SLC30A3: variants seen among roughly 807,000 people sequenced by gnomAD.
The protein encoded by SLC30A3 is solute carrier family 30 member 3.
In SLC30A3, 20 loss-of-function variants were observed where a neutral mutation model predicts 35.6. The ratio of observed to expected loss-of-function variants is 0.56; its 90% CI spans 0.39 to 0.82. SLC30A3 has a LOEUF of 0.82. Among genes scored for constraint, SLC30A3 ranks in the 40% least tolerant of loss-of-function variants. The pLI is 0.00. For synonymous variants in SLC30A3, 217 were observed against 224.7 expected (o/e 0.97, Z 0.31); for missense variants, 401 against 530.6 (o/e 0.76, Z 2.40).
At position 27,262,436 on chromosome 2, in the gene SLC30A3, G is replaced by C. The variant is rs1677248641; in HGVS notation, c.95+376C>G. Among the ~76,000 whole-genome samples the C allele has an allele frequency of 6.6e-6, 1 of 151,988 alleles. No individual in the cohort carries two copies. The highest frequency in any genetic ancestry group is 6.5e-5 in the Admixed American group (1 of 15,268). On this transcript the variant is annotated intron_variant, in intron 1 of 7. Transcript: ENST00000233535. The surrounding 1 kb of genome is among the most constrained non-coding windows in gnomAD (Gnocchi z 7.5). ...AGCTCTGAAGCCTGGGCAGCGAGGC[G>C]CTCCCGCCCTGGGCCCGGGGCAATG...
At chr2:27,268,349 AATTG>A (rs1677583621) in intron 1 of SLC30A3, among the ~76,000 whole-genome samples, 1 of 152,208 alleles carries the variant, frequency 6.6e-6, no homozygotes, top group African/African-American at 2.4e-5. Flanking sequence ...TGAGTAAGTG[AATTG>A]ATTAAGGAAA....
chr2:27,268,048 G>A (rs1363497547), intron 1 of SLC30A3, among the ~76,000 whole-genome samples: 2 of 151,622 alleles, frequency 1.3e-5, no homozygotes, highest in Admixed American at 1.3e-4. Flanking sequence ...CTAACATACT[G>A]CATATTTTAC....
In SLC30A3 at chr2:27,257,334, G is replaced by GT; in HGVS notation, c.596dup (p.His199GlnfsTer12). ...CGTGGCTGTGGGGGGGCCCAGCCTGGTGCAGCACAAAGGCCATTCTGAGGG... is the reference window on the plus strand; with the variant it reads ...CGTGGCTGTGGGGGGGCCCAGCCTGGTTGCAGCACAAAGGCCATTCTGAGGG... On this transcript the variant is annotated frameshift_variant, in exon 5 of 8. Coordinates refer to ENST00000233535, the MANE Select transcript of SLC30A3 (RefSeq NM_003459.5). LOFTEE classifies it high-confidence loss of function. The surrounding 1 kb of genome is among the most constrained non-coding windows in gnomAD (Gnocchi z 4.7). 1 of 1,612,676 alleles carries GT rather than the reference G, an allele frequency of 6.2e-7. No homozygotes were observed. The highest frequency in any genetic ancestry group is 1.1e-5 in the South Asian group (1 of 90,848).
chr2:27,256,517 G>C lies in SLC30A3; in HGVS notation c.887C>G (p.Thr296Ser), dbSNP rs778191551. The change falls in exon 7 of 8, where the codon ACC (threonine) becomes AGC (serine). Residue 296 changes from threonine to serine, a missense_variant. Thr to Ser is a moderately conservative substitution (Grantham distance 58, BLOSUM62 1). Transcript: ENST00000233535. The stretch of plus-strand genomic sequence containing the variant: ...AGGTTCGAACCCCACATTGCGGGGG[G>C]TACCTGCAACCAGCACCAGTCATGC... The part of the protein sequence containing the change: ...RDVLRILMEG[T>S]PRNVGFEPVR... 4 of 1,613,966 alleles carry C rather than the reference G, an allele frequency of 2.5e-6. No homozygotes were observed. The Admixed American group carries it at 6.7e-5, about 27-fold the overall frequency.
At chr2:27,270,399 T>C (rs1677682070) in intron 1 of SLC30A3, among the ~76,000 whole-genome samples, 1 of 151,682 alleles carries the variant, frequency 6.6e-6, no homozygotes, top group Non-Finnish European at 1.5e-5. Context: ...GAAAATGGGG[T>C]TCTAAGAGGC....
At chr2:27,266,340 C>T (rs1174837231), upstream of SLC30A3, among the ~76,000 whole-genome samples, 1 of 152,206 alleles carries the variant, frequency 6.6e-6, no homozygotes, top group Admixed American at 6.5e-5. Context: ...CCTCCTACTT[C>T]ACTGGCTGTT....
upstream of SLC30A3, chr2:27,275,404 G>T (rs544090031): frequency 2.1e-5 from 8 of 382,472 alleles, no homozygotes; most frequent in South Asian, 1.6e-4. Flanking sequence ...TCCCCACCCA[G>T]TGCTTCCGGG....
upstream of SLC30A3, among the ~76,000 whole-genome samples, chr2:27,265,200 G>A (rs894841284): frequency 2.0e-5 from 3 of 152,246 alleles, no homozygotes; most frequent in African/African-American, 7.2e-5. The surrounding 1 kb of genome is among the most constrained non-coding windows in gnomAD (Gnocchi z 5.9). Flanking sequence ...AGTGCCAGGA[G>A]GGGGCGCAGA....
upstream of SLC30A3, chr2:27,263,099 C>A (rs369426544): frequency 7.4e-7 from 1 of 1,346,980 alleles, no homozygotes; most frequent in African/African-American, 1.5e-5. Context: ...AGCCCCGCCC[C>A]GCGTGGGGCG....
rs1175757334 is a variant in SLC30A3, at chr2:27,257,789, G to C, written c.578+116C>G. On this transcript the variant is annotated intron_variant, in intron 4 of 7. Coordinates refer to ENST00000233535, the MANE Select transcript of SLC30A3 (RefSeq NM_003459.5). The surrounding 1 kb of genome is among the most constrained non-coding windows in gnomAD (Gnocchi z 4.7). The stretch of plus-strand genomic sequence containing the variant: ...AGGCACACGCAGGGCAGCCCATGGA[G>C]AGCTGTGTGTGCGTGTCTGTGTGTC... 9.6e-6 allele frequency: 10 copies of C among 1,046,430 alleles called. No individual in the cohort carries two copies. The highest frequency in any genetic ancestry group is 1.5e-5 in the South Asian group (1 of 65,662). The allele number at this position is 1,046,430 out of a possible 1,614,324, so 64.8% of individuals were successfully genotyped here. A position where few individuals can be genotyped will look rare whatever the true frequency, so the allele number is the denominator to read the frequency against.
In SLC30A3 at chr2:27,255,303, G is replaced by A; in HGVS notation, c.*9C>T. The A allele has an allele frequency of 6.2e-7, 1 of 1,613,808 alleles. No individual in the cohort carries two copies. The highest frequency in any genetic ancestry group is 8.5e-7 in the Non-Finnish European group (1 of 1,179,906). On this transcript the variant is annotated 3_prime_UTR_variant, in exon 8 of 8. Transcript: ENST00000233535. This position sits in a 1 kb window ranked among gnomAD's most constrained non-coding sequence, Gnocchi z 5.2. Reference sequence around the variant, plus strand: ...CGGCCTGGCAGTGGGGTGAGGGCAGGGCCATGGCTCAGGCTTGGGGGGGTT... The same window carrying A: ...CGGCCTGGCAGTGGGGTGAGGGCAGAGCCATGGCTCAGGCTTGGGGGGGTT...
chr2:27,273,953 T>C (rs527726469), intron 1 of SLC30A3, among the ~76,000 whole-genome samples: 1 of 152,352 alleles, frequency 6.6e-6, no homozygotes, highest in South Asian at 2.1e-4. Flanking sequence ...AGCTTCTTTT[T>C]TGGTGAGTGA....
At chr2:27,267,586 T>G (rs1677543349), upstream of SLC30A3, among the ~76,000 whole-genome samples, 1 of 152,046 alleles carries the variant, frequency 6.6e-6, no homozygotes, top group South Asian at 2.1e-4. Flanking sequence ...CCTCACATGC[T>G]TCAGGTCTTG....
intron 1 of SLC30A3, among the ~76,000 whole-genome samples, chr2:27,269,602 G>A (rs1315179715): frequency 6.6e-6 from 1 of 151,962 alleles, no homozygotes; most frequent in Non-Finnish European, 1.5e-5. Flanking sequence ...CCAAAGCACA[G>A]TTGTGACAGC....
Position 27,262,787 on chromosome 2 carries a change from G to T in SLC30A3, c.95+25C>A. 6.6e-7 allele frequency: 1 copy of T among 1,522,410 alleles called. No individual in the cohort carries two copies. 94.3% of individuals were successfully genotyped at this position (1,522,410 alleles called of 1,614,324 possible). Reference sequence around the variant, plus strand: ...GGTAGTAGGGTGGCGCCCCCGGGCCGAGGGCCAGCCCAGGTCTGTCCTACC... The same window carrying T: ...GGTAGTAGGGTGGCGCCCCCGGGCCTAGGGCCAGCCCAGGTCTGTCCTACC... On this transcript the variant is annotated intron_variant, in intron 1 of 7. Coordinates refer to ENST00000233535, the MANE Select transcript of SLC30A3 (RefSeq NM_003459.5). The surrounding 1 kb of genome is among the most constrained non-coding windows in gnomAD (Gnocchi z 7.5).
rs149322063 is a variant in SLC30A3, at chr2:27,256,095, C to T, written c.1018+291G>A. The stretch of plus-strand genomic sequence containing the variant: ...ACCTAACTGTGCCCCATCACTAGAC[C>T]TGTAGGTACTAATGATCTTTTAAAG... On this transcript the variant is annotated intron_variant, in intron 7 of 7. Coordinates refer to ENST00000233535, the MANE Select transcript of SLC30A3 (RefSeq NM_003459.5). 6.8e-4 allele frequency: 305 copies of T among 445,816 alleles called. 3 individuals carry two copies. Among genetic ancestry groups the T allele is most frequent in the African/African-American group, 5.6e-3 (286 of 51,110 alleles). 27.6% of individuals were successfully genotyped at this position (445,816 alleles called of 1,614,324 possible). A position where few individuals can be genotyped will look rare whatever the true frequency, so the allele number is the denominator to read the frequency against.
At chr2:27,269,975 G>C (rs561341357) in intron 1 of SLC30A3, among the ~76,000 whole-genome samples, 3 of 152,342 alleles carry the variant, frequency 2.0e-5, no homozygotes, top group Non-Finnish European at 4.4e-5. Context: ...AAGAGAACCA[G>C]AGAAATGTGC....
rs758716237 is a variant in SLC30A3 at position 27,275,235 on chromosome 2, A to G, written c.-217T>C. The G allele has an allele frequency of 6.9e-6, 9 of 1,303,790 alleles. No homozygotes were observed. In the South Asian group the frequency reaches 8.6e-5, roughly 13 times the overall value. 80.8% of individuals were successfully genotyped at this position (1,303,790 alleles called of 1,614,324 possible). On this transcript the variant is annotated 5_prime_UTR_variant, in exon 1 of 6. Coordinates refer to the SLC30A3 transcript ENST00000424577. ...TTTCCTGGAGTGAGTTGGGCCATCA[A>G]GATGGGTGGTGCCCTCCTGCTGGGG...
upstream of SLC30A3, among the ~76,000 whole-genome samples, chr2:27,265,098 C>G (rs901761739): frequency 6.6e-6 from 1 of 152,236 alleles, no homozygotes. This position sits in a 1 kb window ranked among gnomAD's most constrained non-coding sequence, Gnocchi z 5.9. Context: ...ATTCTTGGCA[C>G]GGCTCAGCCG....
Sources: allele counts gnomAD v4.1 joint callset (sites outside exome capture counted in the v4.1 genomes callset), GRCh38; gene constraint gnomAD v4.1.1; non-coding constraint Gnocchi (gnomAD v3.1); transcripts MANE v1.5; gene names NCBI Gene and HGNC (gene_info 2026-07-23, HGNC 2026-07-21).